ANKS1B: variants seen among roughly 807,000 people sequenced by gnomAD.
ANKS1B encodes the protein ankyrin repeat and sterile alpha motif domain-containing protein 1B.
ANKS1B carries 36 observed loss-of-function variants against 148.3 expected under a neutral mutation model. The ratio of observed to expected loss-of-function variants is 0.24; its 90% CI spans 0.19 to 0.32. The LOEUF (loss-of-function observed/expected upper bound fraction) is 0.32, where lower values mean the gene tolerates loss of function less well. Among genes scored for constraint, ANKS1B ranks in the 10% least tolerant of loss-of-function variants. The probability of loss-of-function intolerance (pLI) is 1.00; values close to 1 mark genes in which losing one functional copy is unlikely to be tolerated. For missense variants in ANKS1B, 1,157 were observed against 1,542.6 expected (o/e 0.75, Z 4.19); for synonymous variants, 542 against 560.8 (o/e 0.97, Z 0.47).
intron 12 of ANKS1B, among the ~76,000 whole-genome samples, chr12:99,389,522 CTTTATT>C (rs1412231288): frequency 1.3e-5 from 2 of 152,136 alleles, no homozygotes; most frequent in African/African-American, 4.8e-5. Context: ...TCTCTCACAG[CTTTATT>C]TTTAACTTTA....
intron 17 of ANKS1B, among the ~76,000 whole-genome samples, chr12:98,861,382 G>C (rs2099598539): frequency 6.6e-6 from 1 of 152,148 alleles, no homozygotes; most frequent in Non-Finnish European, 1.5e-5. Context: ...AAGAAGGAAG[G>C]AAGGGTGTTG....
intron 9 of ANKS1B, among the ~76,000 whole-genome samples, chr12:99,628,293 A>C (rs575759092): frequency 2.6e-5 from 4 of 152,274 alleles, no homozygotes; most frequent in Admixed American, 2.0e-4. Context: ...GCAGTTCCTG[A>C]CCACGTCTCA....
intron 12 of ANKS1B, among the ~76,000 whole-genome samples, chr12:99,375,317 C>A (rs995466624): frequency 6.6e-6 from 1 of 152,146 alleles, no homozygotes; most frequent in Non-Finnish European, 1.5e-5. Context: ...TAAAATCACC[C>A]CAAGTTGAGA....
intron 17 of ANKS1B, among the ~76,000 whole-genome samples, chr12:98,905,708 G>T (rs983475503): frequency 1.8e-4 from 28 of 152,056 alleles, no homozygotes; most frequent in African/African-American, 6.8e-4. Flanking sequence ...GGAAGTTGAG[G>T]CTGTAGTGAG....
At chr12:99,747,152 C>A (rs765838657) in intron 8 of ANKS1B, among the ~76,000 whole-genome samples, 3 of 152,086 alleles carry the variant, frequency 2.0e-5, no homozygotes, top group Admixed American at 2.0e-4. Context: ...ACAATCAAAT[C>A]TCTTGCCCTA....
At chr12:99,502,759 C>T (rs1296906151) in intron 10 of ANKS1B, among the ~76,000 whole-genome samples, 1 of 152,138 alleles carries the variant, frequency 6.6e-6, no homozygotes. Context: ...ACAGTATCTG[C>T]CACATAATAA....
chr12:99,219,698 T>C (rs1032313637), intron 14 of ANKS1B, among the ~76,000 whole-genome samples: 3 of 152,218 alleles, frequency 2.0e-5, no homozygotes, highest in African/African-American at 4.8e-5. Context: ...AACTTCCAGA[T>C]GAAGACCAGC....
chr12:98,837,441 G>A, intron 17 of ANKS1B, among the ~76,000 whole-genome samples: 1 of 152,198 alleles, frequency 6.6e-6, no homozygotes, highest in East Asian at 1.9e-4. Flanking sequence ...CAAAGGCAAG[G>A]AGTATTGTTG....
intron 12 of ANKS1B, among the ~76,000 whole-genome samples, chr12:99,369,795 C>CAGACAGAT (rs1354703471): frequency 1.1e-5 from 1 of 91,114 alleles, no homozygotes. Flanking sequence ...GATAGATGGA[C>CAGACAGAT]GGACGGACAG....
rs534405780 is a variant in ANKS1B, at chr12:99,370,256, T to C, written c.1756+29375A>G. On this transcript the variant is annotated intron_variant, in intron 12 of 26. Transcript: ENST00000683438. ...ACAAAGTTGATTAGACAAAGATCTATGGATCTAGAGTGCTTGGCCATGACT... is the reference window on the plus strand; with the variant it reads ...ACAAAGTTGATTAGACAAAGATCTACGGATCTAGAGTGCTTGGCCATGACT... 7.9e-4 allele frequency among the ~76,000 whole-genome samples: 120 copies of C among 152,268 alleles called. 1 individual carries two copies. The highest frequency in any genetic ancestry group is 2.6e-3 in the African/African-American group (107 of 41,572).
intron 19 of ANKS1B, among the ~76,000 whole-genome samples, chr12:98,817,047 A>G (rs2099147424): frequency 6.6e-6 from 1 of 152,216 alleles, no homozygotes; most frequent in South Asian, 2.1e-4. Context: ...TATGTTTGTC[A>G]TAATACTTTC....
chr12:99,950,636 A>AT (rs1049215738), intron 1 of ANKS1B, among the ~76,000 whole-genome samples: 27 of 152,078 alleles, frequency 1.8e-4, no homozygotes, highest in African/African-American at 6.0e-4. Flanking sequence ...ACCTATCACT[A>AT]TTTTTTCTGA....
intron 12 of ANKS1B, among the ~76,000 whole-genome samples, chr12:99,313,961 A>C (rs1300805694): frequency 6.6e-6 from 1 of 152,218 alleles, no homozygotes; most frequent in Non-Finnish European, 1.5e-5. Context: ...TCAAATAGGA[A>C]GAGAGGAAGT....
At chr12:99,675,139 A>C (rs760589577) in intron 8 of ANKS1B, among the ~76,000 whole-genome samples, 28 of 152,012 alleles carry the variant, frequency 1.8e-4, no homozygotes, top group Non-Finnish European at 3.4e-4. Context: ...GTAAATTAAC[A>C]AAAATATTTT....
chr12:99,831,149 C>A (rs1288365135), intron 1 of ANKS1B, among the ~76,000 whole-genome samples: 1 of 148,394 alleles, frequency 6.7e-6, no homozygotes, highest in African/African-American at 2.5e-5. Flanking sequence ...TGTAGGTGAC[C>A]AGTAAATATT....
At chr12:99,523,422 C>T (rs1288826421) in intron 9 of ANKS1B, among the ~76,000 whole-genome samples, 2 of 152,114 alleles carry the variant, frequency 1.3e-5, no homozygotes, top group Non-Finnish European at 2.9e-5. Context: ...GTAACAGGGA[C>T]AGATATTGCA....
chr12:98,827,836 A>G (rs2099262338), intron 19 of ANKS1B, among the ~76,000 whole-genome samples: 1 of 152,192 alleles, frequency 6.6e-6, no homozygotes, highest in African/African-American at 2.4e-5. Context: ...ATTAATACAC[A>G]AAGACAACAT....
intron 4 of ANKS1B, 101 bp from the exon 5 acceptor site, chr12:99,782,198 T>C: frequency 2.1e-6 from 2 of 954,686 alleles, no homozygotes; most frequent in East Asian, 2.6e-5. Context: ...ACATATTTGC[T>C]GTAATCTCAG....
chr12:99,648,564 C>T (rs771838130), intron 9 of ANKS1B: 1 of 1,614,176 alleles, frequency 6.2e-7, no homozygotes, highest in Non-Finnish European at 8.5e-7. Context: ...AAATAACCAT[C>T]CACAACAGCG....
Sources: allele counts gnomAD v4.1 joint callset (sites outside exome capture counted in the v4.1 genomes callset), GRCh38; gene constraint gnomAD v4.1.1; transcripts MANE v1.5; gene names NCBI Gene and HGNC (gene_info 2026-07-23, HGNC 2026-07-21).